Variants in GPHN observed in about 807,000 individuals in gnomAD.
GPHN encodes gephyrin.
In GPHN, 17 loss-of-function variants were observed where a neutral mutation model predicts 95.5. The ratio of observed to expected loss-of-function variants is 0.18; its 90% CI spans 0.12 to 0.27. GPHN has a LOEUF of 0.27. Among genes scored for constraint, GPHN ranks in the 10% least tolerant of loss-of-function variants. GPHN has a pLI of 1.00. For synonymous variants in GPHN, 320 were observed against 322.5 expected, an observed-to-expected ratio of 0.99 and a Z score of 0.08; for missense variants, 660 against 978.1, an observed-to-expected ratio of 0.67 and a Z score of 4.34.
At chr14:67,607,398 T>C in the GPHN span, among the ~76,000 whole-genome samples, 8 of 152,104 alleles carry the variant, frequency 5.3e-5, no homozygotes, top group African/African-American at 1.7e-4. Context: ...GATGGAGTCT[T>C]GCTCTGTCAC....
At chr14:67,669,988 G>C in the GPHN span, among the ~76,000 whole-genome samples, 1 of 152,096 alleles carries the variant, frequency 6.6e-6, no homozygotes, top group Non-Finnish European at 1.5e-5. Context: ...CCAGCTACTC[G>C]GGAGGCTGAG....
At position 66,922,927 on chromosome 14, in the gene GPHN, A is replaced by G; in HGVS notation, c.718A>G (p.Ile240Val). ...SSSSHITAAA[I>V]AAKKHPFYTS... Reference sequence around the variant, plus strand: ...CTCATCACATATAACTGCAGCAGCCATTGCTGCCAAGGTAAGCCTGATGAG... The same window carrying G: ...CTCATCACATATAACTGCAGCAGCCGTTGCTGCCAAGGTAAGCCTGATGAG... Residue 240 changes from isoleucine (I) to valine (V), a missense_variant, in exon 7 of 23, where the codon ATT becomes GTT. Ile to Val is a conservative substitution (Grantham distance 29). Transcript: ENST00000478722. The G allele has an allele frequency of 1.9e-6, 3 of 1,612,042 alleles. No homozygotes were observed. The highest frequency in any genetic ancestry group is 1.1e-5 in the South Asian group (1 of 91,072).
At chr14:67,641,633 A>G in the GPHN span, among the ~76,000 whole-genome samples, 1 of 152,204 alleles carries the variant, frequency 6.6e-6, no homozygotes, top group Non-Finnish European at 1.5e-5. Flanking sequence ...GGCTATTTAT[A>G]AAAGTTTATA....
chr14:67,675,064 CGCTTT>C, the GPHN span, among the ~76,000 whole-genome samples: 1 of 152,214 alleles, frequency 6.6e-6, no homozygotes, highest in Non-Finnish European at 1.5e-5. Flanking sequence ...ACTGTCATCG[CGCTTT>C]GCTTTGCCAC....
chr14:67,443,719 G>A, the GPHN span, among the ~76,000 whole-genome samples: 1 of 151,550 alleles, frequency 6.6e-6, no homozygotes, highest in Non-Finnish European at 1.5e-5. Context: ...GATCATGCCT[G>A]TGAATAGCCA....
chr14:67,375,423 A>G, the GPHN span, among the ~76,000 whole-genome samples: 3 of 151,782 alleles, frequency 2.0e-5, no homozygotes, highest in South Asian at 6.2e-4. Context: ...TGCCCAGCCT[A>G]TCCTCAGTTC....
intron 1 of GPHN, among the ~76,000 whole-genome samples, chr14:66,550,271 A>G (rs938311140): frequency 6.6e-6 from 1 of 152,238 alleles, no homozygotes; most frequent in Non-Finnish European, 1.5e-5. Flanking sequence ...CAAAATGTCA[A>G]CATTAACAGT....
At position 67,181,418 on chromosome 14, in the gene GPHN, A is replaced by G. The variant is rs1475099703; in HGVS notation, c.*481A>G. ...TCATGTATCTCGTGTTTATGTGCAC[A>G]GTGCCAAAAGAAGACTGACTGGGTG... is the stretch of plus-strand genomic sequence containing the variant. On this transcript the variant is annotated 3_prime_UTR_variant, in exon 23 of 23. Transcript: ENST00000478722. 2.0e-6 allele frequency: 1 copy of G among 502,768 alleles called. No homozygotes were observed. Among genetic ancestry groups the G allele is most frequent in the East Asian group, 4.2e-5 (1 of 24,020 alleles). 31.1% of individuals were successfully genotyped at this position (502,768 alleles called of 1,614,324 possible). A position where few individuals can be genotyped will look rare whatever the true frequency, so the allele number is the denominator to read the frequency against.
intron 9 of GPHN, among the ~76,000 whole-genome samples, chr14:66,976,866 G>A (rs959622003): frequency 7.4e-6 from 1 of 135,472 alleles, no homozygotes; most frequent in Admixed American, 7.8e-5. Flanking sequence ...ATGAGTAAAA[G>A]GTAAGCATAG....
At position 67,110,172 on chromosome 14, in the gene GPHN, G is replaced by A. The variant is rs2078287160; in HGVS notation, c.1326G>A (p.Met442Ile). The change falls in exon 14 of 23, where the codon ATG becomes ATA. Residue 442 changes from methionine to isoleucine, a missense_variant. Coordinates refer to ENST00000478722, the MANE Select transcript of GPHN (RefSeq NM_020806.5). Reference sequence around the variant, plus strand: ...AGACAGTAATGCCAGGACAAGTCATGCGGGTTACAACAGGTGCTCCAATAC... The same window carrying A: ...AGACAGTAATGCCAGGACAAGTCATACGGGTTACAACAGGTGCTCCAATAC... Reference protein sequence around the residue: ...PTQTVMPGQVMRVTTGAPIPC... With the variant: ...PTQTVMPGQVIRVTTGAPIPC... The A allele has an allele frequency of 3.7e-6, 6 of 1,612,684 alleles. No individual in the cohort carries two copies. Among genetic ancestry groups the A allele is most frequent in the African/African-American group, 1.3e-5 (1 of 74,836 alleles).
chr14:67,653,642 TG>T, the GPHN span: 1 of 673,534 alleles, frequency 1.5e-6, no homozygotes, highest in South Asian at 2.0e-5. Flanking sequence ...GGCCTTTGAG[TG>T]TAAGTAGAAG....
chr14:66,844,426 TAAG>T (rs1243590523), intron 4 of GPHN, among the ~76,000 whole-genome samples: 1 of 152,086 alleles, frequency 6.6e-6, no homozygotes, highest in Non-Finnish European at 1.5e-5. Flanking sequence ...TGCAAGAGTC[TAAG>T]GAGGAGATGT....
the GPHN span, chr14:67,651,179 C>G: frequency 1.9e-6 from 2 of 1,028,572 alleles, no homozygotes; most frequent in Non-Finnish European, 2.8e-6. Flanking sequence ...CATTTATTAC[C>G]TTGGTATATC....
the GPHN span, chr14:67,578,751 G>A: frequency 2.8e-6 from 2 of 719,204 alleles, no homozygotes; most frequent in Non-Finnish European, 5.0e-6. This position sits in a 1 kb window ranked among gnomAD's most constrained non-coding sequence, Gnocchi z 5.0. Flanking sequence ...CCGCTCAGTG[G>A]TCGTGGAGAC....
intron 3 of GPHN, among the ~76,000 whole-genome samples, chr14:66,781,424 C>G (rs956953174): frequency 2.0e-5 from 3 of 152,034 alleles, no homozygotes; most frequent in South Asian, 2.1e-4. Context: ...GCTATGTGGG[C>G]CAGGCTGGTC....
intron 11 of GPHN, among the ~76,000 whole-genome samples, chr14:67,074,616 C>A (rs1394307979): frequency 6.6e-6 from 1 of 152,060 alleles, no homozygotes; most frequent in Non-Finnish European, 1.5e-5. Context: ...AAATCAAAAG[C>A]TGGAAATGAT....
the GPHN span, chr14:67,205,164 A>C: frequency 7.2e-7 from 1 of 1,388,746 alleles, no homozygotes; most frequent in Non-Finnish European, 9.6e-7. Context: ...CTTCTTGGTT[A>C]GCTGACATTG....
At chr14:67,126,594 G>A (rs917321169) in intron 17 of GPHN, among the ~76,000 whole-genome samples, 1 of 152,170 alleles carries the variant, frequency 6.6e-6, no homozygotes, top group African/African-American at 2.4e-5. Flanking sequence ...GTAGAAATTT[G>A]AACCAGATTT....
At chr14:66,510,235 G>A (rs375383748) in intron 1 of GPHN, among the ~76,000 whole-genome samples, 180 of 152,232 alleles carry the variant, frequency 1.2e-3, no homozygotes, top group African/African-American at 4.0e-3. Context: ...CCCTCAACTT[G>A]CACTTTAAAT....
Sources: gnomAD v4.1 joint callset for allele counts (sites outside exome capture counted in the v4.1 genomes callset) on GRCh38, gnomAD v4.1.1 for gene constraint, Gnocchi (gnomAD v3.1) non-coding constraint, MANE v1.5 for transcripts, NCBI Gene and HGNC (gene_info 2026-07-23, HGNC 2026-07-21) for gene names.